The following FLRT1 variants were observed in gnomAD, a reference collection of about 807,000 sequenced individuals.
FLRT1 encodes the protein fibronectin leucine rich transmembrane protein 1.
In FLRT1, 14 loss-of-function variants were observed where a neutral mutation model predicts 30.9. The observed-to-expected ratio is 0.45, with a 90% CI of 0.30 to 0.71. The LOEUF (loss-of-function observed/expected upper bound fraction) is 0.71. Among genes scored for constraint, FLRT1 ranks in the 30% least tolerant of loss-of-function variants. The probability of loss-of-function intolerance (pLI) is 0.08; values close to 1 mark genes in which losing one functional copy is unlikely to be tolerated. For synonymous variants in FLRT1, 368 were observed against 430.4 expected, an observed-to-expected ratio of 0.85 and a Z score of 1.80; for missense variants, 737 against 949.2, an observed-to-expected ratio of 0.78 and a Z score of 2.94.
chr11:64,070,800 G>T (rs539945028), intron 1 of FLRT1, among the ~76,000 whole-genome samples: 1 of 152,216 alleles, frequency 6.6e-6, no homozygotes, highest in African/African-American at 2.4e-5. Context: ...GGTGGGAGAC[G>T]AGGCGTGAAC....
In FLRT1 at chr11:64,078,226, G is replaced by T. The variant is rs375872726; in HGVS notation, c.-1037-24968G>T. ...TGGCCATGCCCATGCCCAGTAGGAC[G>T]TGCCCTCCAGAAGGGAGGTGGGCAG... is the stretch of plus-strand genomic sequence containing the variant. On this transcript the variant is annotated intron_variant, in intron 1 of 2. Coordinates refer to ENST00000682287, the MANE Select transcript of FLRT1 (RefSeq NM_013280.5). 1.6e-4 allele frequency among the ~76,000 whole-genome samples: 24 copies of T among 152,126 alleles called. 2 individuals carry two copies. Among genetic ancestry groups the T allele is most frequent in the Admixed American group, 1.3e-3 (20 of 15,280 alleles).
chr11:64,091,837 C>T (rs1375547855), intron 1 of FLRT1, among the ~76,000 whole-genome samples: 3 of 152,152 alleles, frequency 2.0e-5, no homozygotes, highest in Non-Finnish European at 4.4e-5. Context: ...CTGCTGAGGC[C>T]CAGCACAGCC....
At chr11:64,063,761 T>C (rs1943947151) in intron 1 of FLRT1, among the ~76,000 whole-genome samples, 1 of 152,176 alleles carries the variant, frequency 6.6e-6, no homozygotes, top group African/African-American at 2.4e-5. Context: ...CTCGCCCGGC[T>C]GTCAGCCAGC....
intron 1 of FLRT1, among the ~76,000 whole-genome samples, chr11:64,050,606 C>G (rs1001123139): frequency 6.6e-6 from 1 of 152,210 alleles, no homozygotes; most frequent in Non-Finnish European, 1.5e-5. Flanking sequence ...GGCTGTCCAG[C>G]GGTGACCATG....
chr11:64,041,647 G>A (rs1008756380), intron 1 of FLRT1, among the ~76,000 whole-genome samples: 1 of 152,174 alleles, frequency 6.6e-6, no homozygotes, highest in African/African-American at 2.4e-5. Context: ...AGCTGGTGTG[G>A]TGGCAGTGGA....
At chr11:64,109,144 A>G (rs1029694269) in intron 2 of FLRT1, among the ~76,000 whole-genome samples, 4 of 152,066 alleles carry the variant, frequency 2.6e-5, no homozygotes, top group Non-Finnish European at 4.4e-5. Context: ...GAGGCCAGAC[A>G]GGGATGGGGG....
intron 1 of FLRT1, among the ~76,000 whole-genome samples, chr11:64,065,804 A>AT (rs1943994342): frequency 6.6e-6 from 1 of 151,364 alleles, no homozygotes; most frequent in Admixed American, 6.6e-5. Context: ...AAAAAAAAAA[A>AT]AAAAAAGATG....
At position 64,103,572 on chromosome 11, in the gene FLRT1, G is replaced by A. The variant is rs552999304; in HGVS notation, c.-659G>A. The A allele has an allele frequency of 1.4e-5, 2 of 140,340 alleles. No individual in the cohort carries two copies. Among genetic ancestry groups the A allele is most frequent in the Non-Finnish European group, 3.0e-5 (2 of 65,730 alleles). The allele number at this position is 140,340 out of a possible 1,614,324, so 8.7% of individuals were successfully genotyped here. On this transcript the variant is annotated 5_prime_UTR_variant, in exon 2 of 3. An upstream open reading frame in the 5' UTR loses its in-frame stop. Coordinates refer to ENST00000682287, the MANE Select transcript of FLRT1 (RefSeq NM_013280.5). ...CTGCACCCAGCCCATTCTGCCAAGT[G>A]ACTTAAAGGAATTAAAAAAAAAAAA...
At chr11:64,102,349 G>T (rs666497) in intron 1 of FLRT1, among the ~76,000 whole-genome samples, 1 of 151,926 alleles carries the variant, frequency 6.6e-6, no homozygotes, top group African/African-American at 2.4e-5. Context: ...GGGCGGCTGC[G>T]GGTGTTGAGG....
At chr11:64,059,143 CTCTTCT>C (rs1943848816) in intron 1 of FLRT1, among the ~76,000 whole-genome samples, 1 of 152,188 alleles carries the variant, frequency 6.6e-6, no homozygotes, top group South Asian at 2.1e-4. Flanking sequence ...CCTTCTCTTC[CTCTTCT>C]GTGTTTCCCC....
At chr11:64,039,973 G>C (rs2134384169) in intron 1 of FLRT1, among the ~76,000 whole-genome samples, 1 of 152,350 alleles carries the variant, frequency 6.6e-6, no homozygotes, top group South Asian at 2.1e-4. Flanking sequence ...TGGCACGCCT[G>C]GCTCCCTGGC....
intron 2 of FLRT1, among the ~76,000 whole-genome samples, chr11:64,110,556 G>A (rs1349130041): frequency 2.0e-5 from 3 of 151,014 alleles, no homozygotes; most frequent in Admixed American, 1.3e-4. Context: ...GACTGATAGA[G>A]CCAAGAATAA....
intron 1 of FLRT1, among the ~76,000 whole-genome samples, chr11:64,079,904 T>C (rs1944273892): frequency 6.6e-6 from 1 of 152,086 alleles, no homozygotes; most frequent in Non-Finnish European, 1.5e-5. Flanking sequence ...CAGTCGTAAA[T>C]GAGGGAGGCA....
intron 1 of FLRT1, among the ~76,000 whole-genome samples, chr11:64,098,010 T>C (rs1944608048): frequency 6.6e-6 from 1 of 152,092 alleles, no homozygotes; most frequent in Admixed American, 6.5e-5. Context: ...AGTTGGCCCC[T>C]TCCCTTCAAC....
chr11:64,043,367 T>C (rs320138), intron 1 of FLRT1, among the ~76,000 whole-genome samples: 5,029 of 152,236 alleles, frequency 0.033, 266 homozygotes, highest in African/African-American at 0.11. Flanking sequence ...GGAAGGCTTG[T>C]GGGGCACTGC....
At position 64,117,994 on chromosome 11, in the gene FLRT1, A is replaced by T. The variant is rs749335298; in HGVS notation, c.1727A>T (p.Tyr576Phe). The T allele has an allele frequency of 1.2e-6, 2 of 1,613,620 alleles. No homozygotes were observed. The highest frequency in any genetic ancestry group is 1.7e-6 in the Non-Finnish European group (2 of 1,179,990). ...CTGGTCCTGGGGGCCATCTGCTGGT[A>T]CGTGCACCAGGCTGGCGAGCTGCTG... Reference protein sequence around the residue: ...LFLVLGAICWYVHQAGELLTR... With the variant: ...LFLVLGAICWFVHQAGELLTR... Residue 576 changes from tyrosine to phenylalanine, a missense_variant, in exon 3 of 3, where the codon TAC becomes TTC. Transcript: ENST00000682287.
intron 1 of FLRT1, among the ~76,000 whole-genome samples, chr11:64,043,841 C>T (rs1195975776): frequency 2.7e-5 from 4 of 147,814 alleles, no homozygotes; most frequent in Non-Finnish European, 4.5e-5. Context: ...GACGGAGTTT[C>T]GCTCTTGTTG....
chr11:64,064,222 A>T lies in FLRT1; in HGVS notation c.-1038+28063A>T, dbSNP rs1473866949. Among the ~76,000 whole-genome samples the T allele has an allele frequency of 6.6e-6, 1 of 152,092 alleles. No individual in the cohort carries two copies. Among genetic ancestry groups the T allele is most frequent in the Non-Finnish European group, 1.5e-5 (1 of 68,030 alleles). On this transcript the variant is annotated intron_variant, in intron 1 of 2. Coordinates refer to ENST00000682287, the MANE Select transcript of FLRT1 (RefSeq NM_013280.5). This position sits in a 1 kb window ranked among gnomAD's most constrained non-coding sequence, Gnocchi z 4.5. ...TAAAACATCAGTGTAGGGGAAAAAA[A>T]TCCCAAACTGCACAGCCTAGGGTTG...
intron 1 of FLRT1, among the ~76,000 whole-genome samples, chr11:64,086,312 C>T (rs570247306): frequency 1.3e-5 from 2 of 152,168 alleles, no homozygotes; most frequent in East Asian, 1.9e-4. Context: ...CATACCGGCA[C>T]CTGCACAGCC....
Sources: allele counts gnomAD v4.1 joint callset (sites outside exome capture counted in the v4.1 genomes callset), GRCh38; gene constraint gnomAD v4.1.1; non-coding constraint Gnocchi (gnomAD v3.1); transcripts MANE v1.5; gene names NCBI Gene and HGNC (gene_info 2026-07-23, HGNC 2026-07-21).